Variants in RAP1GDS1 observed in about 807,000 individuals in gnomAD.
RAP1GDS1 encodes the protein Rap1 GTPase-GDP dissociation stimulator 1, also known as RAP1, GTP-GDP dissociation stimulator 1.
Under a neutral mutation model 71.1 loss-of-function variants are expected in RAP1GDS1, and 35 were observed. That is an observed-to-expected ratio of 0.49 (90% CI 0.38 to 0.65). RAP1GDS1 has a LOEUF of 0.65. RAP1GDS1 is among the 30% of genes least tolerant of loss of function. RAP1GDS1 has a pLI of 0.00. For missense variants in RAP1GDS1, 663 were observed against 706.1 expected (o/e 0.94, Z 0.69); for synonymous variants, 229 against 243.1 (o/e 0.94, Z 0.54).
chr4:98,406,763 A>G (rs1423470359), intron 7 of RAP1GDS1, among the ~76,000 whole-genome samples: 1 of 152,118 alleles, frequency 6.6e-6, no homozygotes, highest in African/African-American at 2.4e-5. Flanking sequence ...AAGAAATTTC[A>G]AAAGATTGCT....
At chr4:98,432,658 C>G (rs1750595099) in intron 12 of RAP1GDS1, among the ~76,000 whole-genome samples, 1 of 151,992 alleles carries the variant, frequency 6.6e-6, no homozygotes, top group Non-Finnish European at 1.5e-5. Flanking sequence ...AAAGCAAACC[C>G]TTTAAAAATA....
chr4:98,386,901 A>AT (rs1742851246), intron 5 of RAP1GDS1, among the ~76,000 whole-genome samples: 1 of 152,106 alleles, frequency 6.6e-6, no homozygotes. Context: ...ATCGTTTCTA[A>AT]TTTTTAATTT....
At chr4:98,418,598 T>C in intron 9 of RAP1GDS1, 59 bp from the exon 10 acceptor site, 1 of 1,443,732 alleles carries the variant, frequency 6.9e-7, no homozygotes, top group Non-Finnish European at 9.3e-7. Context: ...ACATCAGTAT[T>C]ATAAAGTATT....
intron 2 of RAP1GDS1, among the ~76,000 whole-genome samples, chr4:98,338,369 A>G (rs1018887479): frequency 1.3e-5 from 2 of 152,210 alleles, no homozygotes; most frequent in African/African-American, 2.4e-5. Context: ...TTTCTGTTGC[A>G]TAAAAGGAGA....
rs183496218 is a variant in RAP1GDS1, at chr4:98,398,560, A to G, written c.638-5917A>G. 1.2e-4 allele frequency among the ~76,000 whole-genome samples: 19 copies of G among 152,298 alleles called. No homozygotes were observed. The East Asian group carries it at 2.9e-3, about 23-fold the overall frequency. On this transcript the variant is annotated intron_variant, in intron 6 of 14. Transcript: ENST00000408927. Reference sequence around the variant, plus strand: ...ACATTGGCAGCCAGAAGAAAATGCAATGTTGCCTTCAAAATTTTTAGGGAA... The same window carrying G: ...ACATTGGCAGCCAGAAGAAAATGCAGTGTTGCCTTCAAAATTTTTAGGGAA...
intron 4 of RAP1GDS1, among the ~76,000 whole-genome samples, chr4:98,362,543 A>G (rs1478884127): frequency 6.7e-6 from 1 of 149,760 alleles, no homozygotes; most frequent in African/African-American, 2.6e-5. Flanking sequence ...ATTAAAATAG[A>G]ACTTGGCAAA....
intron 2 of RAP1GDS1, among the ~76,000 whole-genome samples, chr4:98,328,788 T>G (rs896152691): frequency 2.2e-4 from 34 of 152,362 alleles, no homozygotes; most frequent in African/African-American, 8.2e-4. Context: ...GTTCAAGTGA[T>G]TCTCCAAGTC....
At chr4:98,379,314 G>A in intron 5 of RAP1GDS1, 151 bp downstream of exon 5, 1 of 867,638 alleles carries the variant, frequency 1.2e-6, no homozygotes, top group Non-Finnish European at 1.6e-6. Flanking sequence ...AAATTTCAAT[G>A]TTTCAAAAAT....
chr4:98,442,313 G>A lies in RAP1GDS1; in HGVS notation c.*196G>A, dbSNP rs28739381. 2 of 676,818 alleles carry A rather than the reference G, an allele frequency of 3.0e-6. No homozygotes were observed. The highest frequency in any genetic ancestry group is 4.5e-6 in the Non-Finnish European group (2 of 446,108). 41.9% of individuals were successfully genotyped at this position (676,818 alleles called of 1,614,324 possible). A position where few individuals can be genotyped will look rare whatever the true frequency, so the allele number is the denominator to read the frequency against. ...TTAGTGTGATCATGACTTTGTCAAA[G>A]GCAAGTCTCCACCCATAACCGTTCT... is the stretch of plus-strand genomic sequence containing the variant. On this transcript the variant is annotated 3_prime_UTR_variant, in exon 15 of 15. Coordinates refer to ENST00000408927, the MANE Select transcript of RAP1GDS1 (RefSeq NM_001100427.2).
chr4:98,323,037 G>A (rs1227306582), intron 2 of RAP1GDS1, among the ~76,000 whole-genome samples: 1 of 151,606 alleles, frequency 6.6e-6, no homozygotes, highest in Non-Finnish European at 1.5e-5. Flanking sequence ...AGACTAATAA[G>A]GAAAAAAAGA....
chr4:98,396,109 AACTC>A (rs953334382), intron 6 of RAP1GDS1: 1 of 151,964 alleles, frequency 6.6e-6, no homozygotes, highest in African/African-American at 2.4e-5. Flanking sequence ...CATATGAACT[AACTC>A]ACTTATCACC....
Position 98,352,553 on chromosome 4 carries a change from G to A in RAP1GDS1, c.313G>A (p.Val105Met), listed in dbSNP as rs61758810. 7,090 of 1,614,048 alleles carry A rather than the reference G, an allele frequency of 4.4e-3. 37 individuals carry two copies. The highest frequency in any genetic ancestry group is 5.4e-3 in the Admixed American group (322 of 60,002). Residue 105 changes from valine to methionine, a missense_variant, in exon 4 of 15, where the codon GTG (valine) becomes ATG (methionine). Physicochemically the swap from Val to Met is conservative, Grantham distance 21 (BLOSUM62 1). Coordinates refer to ENST00000408927, the MANE Select transcript of RAP1GDS1 (RefSeq NM_001100427.2). ...VQLLNSKDQE[V>M]LLQTGRALGN... ...GCTGCTAAATAGCAAAGACCAGGAA[G>A]TGCTGCTTCAAACGGGCAGGGCTCT... is the stretch of plus-strand genomic sequence containing the variant.
chr4:98,407,320 A>T lies in RAP1GDS1; in HGVS notation c.763+2718A>T, dbSNP rs186837689. On this transcript the variant is annotated intron_variant, in intron 7 of 14. Transcript: ENST00000408927. ...GTACTCCCTAAATCTACAAAAAAAA[A>T]TTTTTTAAGTAGTTAACTGGAATAA... is the stretch of plus-strand genomic sequence containing the variant. Among the ~76,000 whole-genome samples, 1,459 of 152,160 alleles carry T rather than the reference A, an allele frequency of 9.6e-3. 20 individuals are homozygous for T. The highest frequency in any genetic ancestry group is 0.029 in the African/African-American group (1,205 of 41,508).
intron 7 of RAP1GDS1, among the ~76,000 whole-genome samples, chr4:98,416,349 T>TG: frequency 1.0e-4 from 13 of 126,326 alleles, no homozygotes; most frequent in Non-Finnish European, 1.8e-4. Flanking sequence ...TTTTTTTTTT[T>TG]TTTTTTTTTT....
chr4:98,263,724 A>T (rs936243880), intron 1 of RAP1GDS1, among the ~76,000 whole-genome samples: 1 of 152,246 alleles, frequency 6.6e-6, no homozygotes, highest in African/African-American at 2.4e-5. Flanking sequence ...TTGAACTTAA[A>T]GCCACCTATT....
At chr4:98,309,175 G>T (rs953762832) in intron 2 of RAP1GDS1, among the ~76,000 whole-genome samples, 1 of 151,914 alleles carries the variant, frequency 6.6e-6, no homozygotes, top group Non-Finnish European at 1.5e-5. Context: ...TAATAAATTA[G>T]AACAAAATTT....
At chr4:98,268,293 A>C (rs1344394524) in intron 1 of RAP1GDS1, among the ~76,000 whole-genome samples, 1 of 152,182 alleles carries the variant, frequency 6.6e-6, no homozygotes, top group Non-Finnish European at 1.5e-5. Flanking sequence ...AACTCTCAAC[A>C]AATTTGGTGT....
intron 1 of RAP1GDS1, among the ~76,000 whole-genome samples, chr4:98,271,126 C>T (rs1339197778): frequency 6.6e-6 from 1 of 151,924 alleles, no homozygotes; most frequent in African/African-American, 2.4e-5. Flanking sequence ...GGGATTGGTA[C>T]CCCTAGTGCC....
chr4:98,401,096 T>G (rs893419992), intron 6 of RAP1GDS1, among the ~76,000 whole-genome samples: 1 of 152,192 alleles, frequency 6.6e-6, no homozygotes, highest in Admixed American at 6.5e-5. Flanking sequence ...ACAGTGATGT[T>G]ATCGTCCCAT....
Sources: allele counts gnomAD v4.1 joint callset (sites outside exome capture counted in the v4.1 genomes callset), GRCh38; gene constraint gnomAD v4.1.1; transcripts MANE v1.5; gene names NCBI Gene and HGNC (gene_info 2026-07-23, HGNC 2026-07-21).